The following LIN7A variants were observed in gnomAD, a reference collection of about 807,000 sequenced individuals.
LIN7A encodes the protein lin-7 cell polarity scaffold A.
In LIN7A, 25 loss-of-function variants were observed where a neutral mutation model predicts 29.8. The ratio of observed to expected loss-of-function variants is 0.84; its 90% CI spans 0.61 to 1.17. The LOEUF (loss-of-function observed/expected upper bound fraction) is 1.17. LIN7A is among the 50% of genes most tolerant of loss of function. The probability of loss-of-function intolerance (pLI) is 0.00; values close to 1 mark genes in which losing one functional copy is unlikely to be tolerated. For missense variants in LIN7A, 239 were observed against 287.0 expected, an observed-to-expected ratio of 0.83 and a Z score of 1.21; for synonymous variants, 118 against 107.5, an observed-to-expected ratio of 1.10 and a Z score of -0.60.
At chr12:80,933,979 A>G (rs1331239733) in intron 1 of LIN7A, among the ~76,000 whole-genome samples, 1 of 152,162 alleles carries the variant, frequency 6.6e-6, no homozygotes, top group Non-Finnish European at 1.5e-5. Flanking sequence ...CAGTGTATAA[A>G]ACAATGTTTG....
At chr12:80,893,395 A>G (rs901913961) in intron 1 of LIN7A, among the ~76,000 whole-genome samples, 2 of 152,110 alleles carry the variant, frequency 1.3e-5, no homozygotes, top group Non-Finnish European at 2.9e-5. Flanking sequence ...TGTTTTTTTA[A>G]TTTTTGTTTT....
intron 2 of LIN7A, among the ~76,000 whole-genome samples, chr12:80,854,099 C>CTA (rs1349860478): frequency 6.6e-6 from 1 of 152,132 alleles, no homozygotes; most frequent in East Asian, 1.9e-4. Context: ...AAGATCCACT[C>CTA]ATCTTCTTCT....
rs550334979 is a variant in LIN7A, at chr12:80,801,745, C to G, written c.*1-4019G>C. Among the ~76,000 whole-genome samples, 40 of 152,230 alleles carry G rather than the reference C, an allele frequency of 2.6e-4. No homozygotes were observed. The Middle Eastern group carries it at 0.01, about 39-fold the overall frequency. ...TTGAAATAGATATTATTATTTAACT[C>G]ATCATTCTGTGCAATAGATCACTAA... On this transcript the variant is annotated intron_variant, in intron 5 of 5. Coordinates refer to ENST00000552864, the MANE Select transcript of LIN7A (RefSeq NM_004664.4).
chr12:80,936,733 G>A (rs1410673990), intron 1 of LIN7A: 1 of 39,030 alleles, frequency 2.6e-5, no homozygotes, highest in East Asian at 8.0e-4. Flanking sequence ...CCATCCCTGA[G>A]CTTGTGAGGG....
intron 4 of LIN7A, among the ~76,000 whole-genome samples, chr12:80,822,374 A>G (rs1592863179): frequency 6.6e-6 from 1 of 152,176 alleles, no homozygotes; most frequent in Non-Finnish European, 1.5e-5. Flanking sequence ...ACTGGCCAAC[A>G]TGGTGAAACC....
chr12:80,901,594 G>A (rs994080211), intron 1 of LIN7A, among the ~76,000 whole-genome samples: 3 of 151,982 alleles, frequency 2.0e-5, no homozygotes, highest in Admixed American at 1.3e-4. Context: ...ATAGTGTTCA[G>A]GGAATTGGAA....
At chr12:80,828,178 A>G (rs947331028) in intron 4 of LIN7A, among the ~76,000 whole-genome samples, 3 of 152,224 alleles carry the variant, frequency 2.0e-5, no homozygotes, top group Admixed American at 1.3e-4. Flanking sequence ...GGCAATATCT[A>G]TTAAAATAAA....
chr12:80,825,043 A>C (rs532046052), intron 4 of LIN7A, among the ~76,000 whole-genome samples: 1 of 152,348 alleles, frequency 6.6e-6, no homozygotes, highest in African/African-American at 2.4e-5. Context: ...AAGGGCATCC[A>C]AATCAGTCAA....
intron 4 of LIN7A, among the ~76,000 whole-genome samples, chr12:80,824,905 T>C (rs1871986961): frequency 6.6e-6 from 1 of 152,146 alleles, no homozygotes; most frequent in Non-Finnish European, 1.5e-5. Flanking sequence ...CCAGCCAACA[T>C]TATACTGAAT....
chr12:80,868,371 C>T (rs1231908284), intron 2 of LIN7A, among the ~76,000 whole-genome samples: 1 of 152,156 alleles, frequency 6.6e-6, no homozygotes, highest in Non-Finnish European at 1.5e-5. Context: ...GAGTTCGAGA[C>T]CAGCCTGACC....
chr12:80,884,952 G>A (rs981394753), intron 2 of LIN7A, among the ~76,000 whole-genome samples: 1 of 152,146 alleles, frequency 6.6e-6, no homozygotes, highest in Non-Finnish European at 1.5e-5. Context: ...AAAAGCAGGA[G>A]CATGAATATT....
At chr12:80,880,999 A>C (rs899619554) in intron 2 of LIN7A, among the ~76,000 whole-genome samples, 1 of 152,146 alleles carries the variant, frequency 6.6e-6, no homozygotes, top group Non-Finnish European at 1.5e-5. Flanking sequence ...TATTCTAATC[A>C]ACCAACCAGC....
At chr12:80,841,468 T>C (rs1872820565) in intron 4 of LIN7A, among the ~76,000 whole-genome samples, 1 of 152,044 alleles carries the variant, frequency 6.6e-6, no homozygotes, top group African/African-American at 2.4e-5. Flanking sequence ...CTGTGTTCTA[T>C]ACAAGATATT....
rs531533258 is a variant in LIN7A at position 80,826,228 on chromosome 12, G to T, written c.484-14545C>A. Reference sequence around the variant, plus strand: ...AATATTCTTTGCTTTTGTCACCATTGATTTATACTAAGATCTTTTGCTTAT... The same window carrying T: ...AATATTCTTTGCTTTTGTCACCATTTATTTATACTAAGATCTTTTGCTTAT... On this transcript the variant is annotated intron_variant, in intron 4 of 5. Transcript: ENST00000552864. 3.5e-4 allele frequency among the ~76,000 whole-genome samples: 54 copies of T among 152,154 alleles called. 2 individuals carry two copies. In the South Asian group the frequency reaches 0.011, roughly 32 times the overall value.
At chr12:80,915,378 G>T (rs994516266) in intron 1 of LIN7A, among the ~76,000 whole-genome samples, 1 of 152,064 alleles carries the variant, frequency 6.6e-6, no homozygotes, top group Non-Finnish European at 1.5e-5. Flanking sequence ...ACAGACATTG[G>T]CAAGGCAAGG....
chr12:80,930,988 C>T (rs1272467412), intron 1 of LIN7A, among the ~76,000 whole-genome samples: 1 of 152,188 alleles, frequency 6.6e-6, no homozygotes, highest in Non-Finnish European at 1.5e-5. Context: ...GACATGGTCT[C>T]TGACCTGATG....
intron 1 of LIN7A, among the ~76,000 whole-genome samples, chr12:80,934,093 CTT>C (rs1463413503): frequency 6.6e-6 from 1 of 152,118 alleles, no homozygotes; most frequent in African/African-American, 2.4e-5. Context: ...AAAGCAGAAA[CTT>C]TTGTTTCTGG....
chr12:80,805,543 C>A (rs529764908), intron 5 of LIN7A, among the ~76,000 whole-genome samples: 2 of 152,030 alleles, frequency 1.3e-5, no homozygotes, highest in South Asian at 4.1e-4. Context: ...GTCAGGGACA[C>A]GATTTTGGTC....
chr12:80,889,520 T>G, intron 1 of LIN7A, 151 bp from the exon 2 acceptor site: 1 of 595,724 alleles, frequency 1.7e-6, no homozygotes, highest in African/African-American at 1.9e-5. Flanking sequence ...TTTGGTCTCA[T>G]CTTTTGGTAA....
Sources: allele counts gnomAD v4.1 joint callset (sites outside exome capture counted in the v4.1 genomes callset), GRCh38; gene constraint gnomAD v4.1.1; transcripts MANE v1.5; gene names NCBI Gene and HGNC (gene_info 2026-07-23, HGNC 2026-07-21).